CCDC85A: variants seen among roughly 807,000 people sequenced by gnomAD.
CCDC85A encodes the protein coiled-coil domain-containing protein 85A.
In CCDC85A, 38 loss-of-function variants were observed where a neutral mutation model predicts 50.2. That is an observed-to-expected ratio of 0.76 (90% confidence interval 0.58 to 0.99). The LOEUF (loss-of-function observed/expected upper bound fraction) is 0.99, where lower values mean the gene tolerates loss of function less well. Ranked by LOEUF, CCDC85A falls within the 50% of genes least tolerant of loss-of-function variation. CCDC85A has a pLI of 0.00. For synonymous variants in CCDC85A, 366 were observed against 301.4 expected, an observed-to-expected ratio of 1.21 and a Z score of -2.22; for missense variants, 820 against 742.0, an observed-to-expected ratio of 1.11 and a Z score of -1.22.
chr2:56,287,142 T>G (rs970931202), intron 2 of CCDC85A, among the ~76,000 whole-genome samples: 4 of 152,196 alleles, frequency 2.6e-5, no homozygotes, highest in Non-Finnish European at 4.4e-5. Flanking sequence ...AGTAGTTACT[T>G]TCTGCTAGGG....
intron 2 of CCDC85A, among the ~76,000 whole-genome samples, chr2:56,286,883 T>C (rs542805301): frequency 6.6e-6 from 1 of 152,288 alleles, no homozygotes; most frequent in East Asian, 1.9e-4. Context: ...AAATTACTGG[T>C]GGGTTTTCTT....
intron 5 of CCDC85A, among the ~76,000 whole-genome samples, chr2:56,381,511 C>A (rs573811519): frequency 6.6e-6 from 1 of 151,920 alleles, no homozygotes; most frequent in Non-Finnish European, 1.5e-5. Flanking sequence ...GATATGAACC[C>A]CTGGGTAAGA....
At chr2:56,383,408 A>G (rs1676682988) in intron 5 of CCDC85A, among the ~76,000 whole-genome samples, 1 of 151,992 alleles carries the variant, frequency 6.6e-6, no homozygotes, top group African/African-American at 2.4e-5. Flanking sequence ...ACATACATGC[A>G]TGTGCATGTG....
intron 3 of CCDC85A, among the ~76,000 whole-genome samples, chr2:56,353,094 A>G (rs1217285414): frequency 1.3e-5 from 2 of 152,204 alleles, no homozygotes; most frequent in Admixed American, 6.5e-5. Flanking sequence ...GCCTACTTAC[A>G]TCGTGGGGGG....
chr2:56,275,259 G>A (rs1312268078), intron 2 of CCDC85A, among the ~76,000 whole-genome samples: 2 of 152,156 alleles, frequency 1.3e-5, no homozygotes, highest in East Asian at 3.9e-4. Context: ...CTACATGGCA[G>A]CATGAATACA....
At chr2:56,336,442 G>A (rs545980959) in intron 2 of CCDC85A, among the ~76,000 whole-genome samples, 61 of 152,270 alleles carry the variant, frequency 4.0e-4, no homozygotes, top group African/African-American at 1.5e-3. Flanking sequence ...GTGCAAGCCA[G>A]TGTGCCCAGC....
chr2:56,300,750 TAGCA>T (rs1672165671), intron 2 of CCDC85A, among the ~76,000 whole-genome samples: 1 of 152,170 alleles, frequency 6.6e-6, no homozygotes, highest in Non-Finnish European at 1.5e-5. Flanking sequence ...TAAAAACAGG[TAGCA>T]GTCTTGGGCA....
chr2:56,285,201 A>T (rs893685203), intron 2 of CCDC85A, among the ~76,000 whole-genome samples: 1 of 151,278 alleles, frequency 6.6e-6, no homozygotes, highest in Admixed American at 6.6e-5. Context: ...TCCCAGGTTC[A>T]AGCAATTCAC....
At chr2:56,253,164 T>A (rs1669841465) in intron 2 of CCDC85A, among the ~76,000 whole-genome samples, 1 of 152,142 alleles carries the variant, frequency 6.6e-6, no homozygotes, top group Non-Finnish European at 1.5e-5. Flanking sequence ...GAAACAGAAT[T>A]TTACCAGCAC....
chr2:56,306,412 G>A (rs1221243371), intron 2 of CCDC85A, among the ~76,000 whole-genome samples: 1 of 152,118 alleles, frequency 6.6e-6, no homozygotes, highest in Non-Finnish European at 1.5e-5. Context: ...ACAGGTGTAA[G>A]CCGCTGTGCC....
intron 2 of CCDC85A, among the ~76,000 whole-genome samples, chr2:56,196,413 TA>T (rs1218878095): frequency 6.6e-6 from 1 of 152,262 alleles, no homozygotes; most frequent in African/African-American, 2.4e-5. Context: ...GTAAATTAAG[TA>T]ATTGAATAAC....
intron 1 of CCDC85A, among the ~76,000 whole-genome samples, chr2:56,189,588 G>A (rs1021950862): frequency 5.3e-5 from 8 of 152,044 alleles, no homozygotes; most frequent in African/African-American, 1.4e-4. Context: ...ATTGAACCCA[G>A]GTGTTGTTGT....
chr2:56,193,033 G>A lies in CCDC85A; in HGVS notation c.833G>A (p.Ser278Asn), dbSNP rs1676366604. The A allele has an allele frequency of 6.2e-7, 1 of 1,613,812 alleles. No individual in the cohort carries two copies. Among genetic ancestry groups the A allele is most frequent in the Non-Finnish European group, 8.5e-7 (1 of 1,179,890 alleles). ...CGCCCCAAAGCACTCAAAGGACCTA[G>A]CCCGGAGCACCACAAACCCTTGTGC... ...PDRPKALKGPSPEHHKPLCKG... is the reference protein window; with the variant it reads ...PDRPKALKGPNPEHHKPLCKG... Residue 278 changes from serine (S) to asparagine (N), a missense_variant, in exon 2 of 6, where the codon AGC becomes AAC. Physicochemically the swap from Ser to Asn is conservative, Grantham distance 46. Transcript: ENST00000407595.
chr2:56,303,358 A>G (rs894817272), intron 2 of CCDC85A, among the ~76,000 whole-genome samples: 2 of 152,156 alleles, frequency 1.3e-5, no homozygotes, highest in African/African-American at 4.8e-5. Flanking sequence ...ATGAGAACCC[A>G]GGGGGCATCA....
At chr2:56,266,738 T>C (rs190381759) in intron 2 of CCDC85A, among the ~76,000 whole-genome samples, 11 of 152,154 alleles carry the variant, frequency 7.2e-5, no homozygotes, top group Non-Finnish European at 1.2e-4. Context: ...CTGTTGTTAT[T>C]TGAGTTTCTC....
chr2:56,229,606 G>A (rs986589521), intron 2 of CCDC85A, among the ~76,000 whole-genome samples: 1 of 152,144 alleles, frequency 6.6e-6, no homozygotes, highest in Non-Finnish European at 1.5e-5. Context: ...GGCATGCTTG[G>A]TGGTATCGTG....
At chr2:56,204,055 A>T (rs1676856104) in intron 2 of CCDC85A, among the ~76,000 whole-genome samples, 1 of 152,184 alleles carries the variant, frequency 6.6e-6, no homozygotes, top group African/African-American at 2.4e-5. Flanking sequence ...GGGGCTTAGA[A>T]TAGAAATTTT....
Position 56,250,953 on chromosome 2 carries a change from C to T in CCDC85A, c.1240+57513C>T, listed in dbSNP as rs189970440. Among the ~76,000 whole-genome samples, 8 of 152,188 alleles carry T rather than the reference C, an allele frequency of 5.3e-5. No homozygotes were observed. The East Asian group carries it at 1.2e-3, about 22-fold the overall frequency. On this transcript the variant is annotated intron_variant, in intron 2 of 5. Transcript: ENST00000407595. ...CTTCTTTGCTATTTTGTCTTTCATT[C>T]GAGTCCCTTTCTATTTACTCTTTTT...
At chr2:56,254,151 G>T (rs980212795) in intron 2 of CCDC85A, among the ~76,000 whole-genome samples, 1 of 152,080 alleles carries the variant, frequency 6.6e-6, no homozygotes, top group African/African-American at 2.4e-5. Context: ...AGCAGGCAGG[G>T]TTAGCTGGAG....
Sources: gnomAD v4.1 joint callset for allele counts (sites outside exome capture counted in the v4.1 genomes callset) on GRCh38, gnomAD v4.1.1 for gene constraint, MANE v1.5 for transcripts, NCBI Gene and HGNC (gene_info 2026-07-23, HGNC 2026-07-21) for gene names.